The following TIAM2 variants were observed in gnomAD, a reference collection of about 807,000 sequenced individuals.
TIAM2 encodes TIAM Rac1 associated GEF 2, also known as rho guanine nucleotide exchange factor TIAM2.
TIAM2 carries 80 observed loss-of-function variants against 152.9 expected under a neutral mutation model. The ratio of observed to expected loss-of-function variants is 0.52; its 90% CI spans 0.44 to 0.63. The LOEUF (loss-of-function observed/expected upper bound fraction) is 0.63, where lower values mean the gene tolerates loss of function less well. TIAM2 is among the 30% of genes least tolerant of loss of function. The pLI, the probability that TIAM2 is intolerant of heterozygous loss-of-function variation, is 0.00. For missense variants in TIAM2, 1,965 were observed against 2,120.1 expected, an observed-to-expected ratio of 0.93 and a Z score of 1.44; for synonymous variants, 804 against 838.0, an observed-to-expected ratio of 0.96 and a Z score of 0.70.
intron 1 of TIAM2, among the ~76,000 whole-genome samples, chr6:155,076,904 C>G (rs1186773501): frequency 6.6e-6 from 1 of 152,198 alleles, no homozygotes; most frequent in Non-Finnish European, 1.5e-5. Flanking sequence ...CCATGTTGTC[C>G]AGGCTGGTCT....
chr6:155,252,333 G>A (rs2115356133), intron 23 of TIAM2, among the ~76,000 whole-genome samples: 1 of 152,290 alleles, frequency 6.6e-6, no homozygotes, highest in South Asian at 2.1e-4. Flanking sequence ...ACTGGGTGTG[G>A]TAGCACGTGC....
chr6:155,230,743 T>TATTTATATATA (rs1782434837), intron 15 of TIAM2, among the ~76,000 whole-genome samples: 1 of 152,068 alleles, frequency 6.6e-6, no homozygotes. Flanking sequence ...TTATTATACA[T>TATTTATATATA]GTAGTTCAAT....
intron 1 of TIAM2, among the ~76,000 whole-genome samples, chr6:155,019,033 C>A (rs564552518): frequency 4.7e-4 from 70 of 149,404 alleles, no homozygotes; most frequent in African/African-American, 1.6e-3. Flanking sequence ...GAGTGAGACT[C>A]CATCTAAAAA....
At chr6:155,241,112 C>T (rs547807384) in intron 16 of TIAM2, among the ~76,000 whole-genome samples, 26 of 152,248 alleles carry the variant, frequency 1.7e-4, no homozygotes, top group Non-Finnish European at 3.2e-4. Context: ...GGCGGTGGCC[C>T]GGGCCAGCCC....
chr6:155,236,665 A>C (rs1782776705), intron 15 of TIAM2, among the ~76,000 whole-genome samples: 1 of 152,164 alleles, frequency 6.6e-6, no homozygotes, highest in Non-Finnish European at 1.5e-5. Context: ...TCTGTCTCAA[A>C]AAAATAAAAT....
At chr6:155,251,874 G>A (rs1257455069) in intron 22 of TIAM2, 71 bp from the exon 23 acceptor site, 14 of 1,229,022 alleles carry the variant, frequency 1.1e-5, no homozygotes, top group Middle Eastern at 2.5e-4. Flanking sequence ...CTGTTAAGAC[G>A]TTCAGCTCTA....
At chr6:155,084,046 T>A (rs945174193) in intron 1 of TIAM2, among the ~76,000 whole-genome samples, 3 of 152,062 alleles carry the variant, frequency 2.0e-5, no homozygotes, top group Non-Finnish European at 4.4e-5. Context: ...CTAAGAGGAG[T>A]GTCAGAGAAC....
chr6:155,084,995 A>C (rs1778146643), intron 1 of TIAM2, among the ~76,000 whole-genome samples: 1 of 152,114 alleles, frequency 6.6e-6, no homozygotes, highest in Admixed American at 6.6e-5. Flanking sequence ...ACGGGCCCTG[A>C]GTGATGAGAT....
At chr6:155,168,706 T>A (rs1375003308) in intron 9 of TIAM2, 1 of 705,142 alleles carries the variant, frequency 1.4e-6, no homozygotes, top group Non-Finnish European at 2.2e-6. Flanking sequence ...TTAAGTGTAT[T>A]AGAATAATGA....
At chr6:155,034,113 C>T (rs1288094938) in intron 1 of TIAM2, among the ~76,000 whole-genome samples, 1 of 151,996 alleles carries the variant, frequency 6.6e-6, no homozygotes, top group African/African-American at 2.4e-5. Context: ...GTGAGGTTCT[C>T]CCTAGGGTGC....
At chr6:155,202,302 T>C (rs1175068455) in intron 14 of TIAM2, among the ~76,000 whole-genome samples, 1 of 152,254 alleles carries the variant, frequency 6.6e-6, no homozygotes, top group Non-Finnish European at 1.5e-5. Context: ...CTAATGTCAT[T>C]AGTGAAAGGT....
At chr6:155,181,620 A>G (rs895443269) in intron 12 of TIAM2, among the ~76,000 whole-genome samples, 2 of 152,136 alleles carry the variant, frequency 1.3e-5, no homozygotes, top group African/African-American at 2.4e-5. Context: ...TTTAACACCA[A>G]TTCCTCATAC....
chr6:155,245,104 C>A (rs1489215363), intron 18 of TIAM2, among the ~76,000 whole-genome samples: 1 of 152,220 alleles, frequency 6.6e-6, no homozygotes, highest in Non-Finnish European at 1.5e-5. Context: ...AGCTCCTACC[C>A]TGTGCCCAAT....
At chr6:155,143,126 G>T (rs529224929) in intron 5 of TIAM2, among the ~76,000 whole-genome samples, 1 of 152,348 alleles carries the variant, frequency 6.6e-6, no homozygotes, top group East Asian at 1.9e-4. Flanking sequence ...GAAGCACCCA[G>T]ATGGTGGTCA....
chr6:155,141,239 T>C (rs1779696987), intron 5 of TIAM2, among the ~76,000 whole-genome samples: 1 of 152,320 alleles, frequency 6.6e-6, no homozygotes, highest in Non-Finnish European at 1.5e-5. Context: ...ATAAAGATGT[T>C]TTTTTCCCCA....
chr6:155,245,761 T>TTTTTG, intron 19 of TIAM2, 30 bp downstream of exon 19: 1 of 1,455,834 alleles, frequency 6.9e-7, no homozygotes, highest in Non-Finnish European at 9.3e-7. Flanking sequence ...TATAGTTTTT[T>TTTTTG]TTTTTTTTTG....
intron 1 of TIAM2, among the ~76,000 whole-genome samples, chr6:155,059,282 CTGTGTGTGTGTCTGTGTGTG>C (rs1554227467): frequency 0.014 from 1,972 of 144,184 alleles, 18 homozygotes; most frequent in Non-Finnish European, 0.021. Context: ...ATGTCCCTTT[CTGTGTGTGTGTCTGTGTGTG>C]TGTGTGTGTG....
intron 6 of TIAM2, 79 bp downstream of exon 6, chr6:155,144,857 GA>G (rs1177113282): frequency 3.4e-6 from 5 of 1,456,140 alleles, no homozygotes; most frequent in Non-Finnish European, 4.6e-6. Flanking sequence ...GCAAAACTTG[GA>G]AATGAAATTG....
At chr6:155,194,163 G>A (rs1781279275) in intron 14 of TIAM2, among the ~76,000 whole-genome samples, 1 of 152,186 alleles carries the variant, frequency 6.6e-6, no homozygotes, top group Non-Finnish European at 1.5e-5. Flanking sequence ...AGGGGGCATA[G>A]AGCGTTCCAG....
Sources: gnomAD v4.1 joint callset for allele counts (sites outside exome capture counted in the v4.1 genomes callset) on GRCh38, gnomAD v4.1.1 for gene constraint, MANE v1.5 for transcripts, NCBI Gene and HGNC (gene_info 2026-07-23, HGNC 2026-07-21) for gene names.